Variants in KCNQ1OT1 observed in about 807,000 individuals in gnomAD.
The protein encoded by KCNQ1OT1 is KCNQ1 opposite strand/antisense transcript 1, also known as KCNQ1 antisense RNA 2 (non-protein coding).
exon 1 of KCNQ1OT1, chr11:2,649,956 A>G (rs1263395092): frequency 2.5e-6 from 1 of 398,490 alleles, no homozygotes. Flanking sequence ...AGTGTCTCAT[A>G]TGTCACGCAG....
chr11:2,648,168 G>A, exon 1 of KCNQ1OT1: 1 of 394,498 alleles, frequency 2.5e-6, no homozygotes, highest in Non-Finnish European at 4.4e-6. Context: ...TCACACCACT[G>A]CGCTCTAGCC....
Position 2,643,811 on chromosome 11 carries a change from T to G in KCNQ1OT1, n.56184A>C, listed in dbSNP as rs184076045. Reference sequence around the variant, plus strand: ...AATTAATTCCCTGAGCTTTTACTTTTAAGGGAAATACTTTATTTCTCCTTC... The same window carrying G: ...AATTAATTCCCTGAGCTTTTACTTTGAAGGGAAATACTTTATTTCTCCTTC... On this transcript the variant is annotated non_coding_transcript_exon_variant, in exon 1 of 1. Coordinates refer to ENST00000597346, the Ensembl canonical transcript of KCNQ1OT1. The G allele has an allele frequency of 1.8e-3, 702 of 398,614 alleles. No homozygotes were observed. The highest frequency in any genetic ancestry group is 3.4e-3 in the Admixed American group (77 of 22,742). The allele number at this position is 398,614 out of a possible 1,614,324, so 24.7% of individuals were successfully genotyped here. A position where few individuals can be genotyped will look rare whatever the true frequency, so the allele number is the denominator to read the frequency against.
exon 1 of KCNQ1OT1, chr11:2,699,918 C>CGCTGAGGGGCGCCCTGGCAGGATCTT: frequency 2.5e-6 from 1 of 398,398 alleles, no homozygotes; most frequent in Non-Finnish European, 4.4e-6. Flanking sequence ...GGCAGAATCG[C>CGCTGAGGGGCGCCCTGGCAGGATCTT]GCTGAGGGGC....
At chr11:2,675,765 CTG>C in exon 1 of KCNQ1OT1, 1 of 398,724 alleles carries the variant, frequency 2.5e-6, no homozygotes, top group Non-Finnish European at 4.4e-6. Flanking sequence ...ACTCACAGCA[CTG>C]TGTGCGGGGA....
chr11:2,654,409 C>G lies in KCNQ1OT1; in HGVS notation n.45586G>C, dbSNP rs1046963918. The G allele has an allele frequency of 1.5e-5, 6 of 398,582 alleles. No homozygotes were observed. The highest frequency in any genetic ancestry group is 2.7e-5 in the Non-Finnish European group (6 of 226,128). 24.7% of individuals were successfully genotyped at this position (398,582 alleles called of 1,614,324 possible). A position where few individuals can be genotyped will look rare whatever the true frequency, so the allele number is the denominator to read the frequency against. ...TCAGGGAACTCGCCTGTGCCAAACC[C>G]TGGGGAGACATGGGTGAGGCAGAAG... On this transcript the variant is annotated non_coding_transcript_exon_variant, in exon 1 of 1. Coordinates refer to ENST00000597346, the Ensembl canonical transcript of KCNQ1OT1. The surrounding 1 kb of genome is among the most constrained non-coding windows in gnomAD (Gnocchi z 6.4).
At chr11:2,684,508 T>C in exon 1 of KCNQ1OT1, 1 of 398,658 alleles carries the variant, frequency 2.5e-6, no homozygotes, top group Non-Finnish European at 4.4e-6. Context: ...ATTCCTCCTA[T>C]TCCACTGTTA....
Position 2,673,473 on chromosome 11 carries a change from G to T in KCNQ1OT1, n.26522C>A, listed in dbSNP as rs954288790. 1.3e-5 allele frequency: 5 copies of T among 398,522 alleles called. No homozygotes were observed. The highest frequency in any genetic ancestry group is 6.2e-5 in the African/African-American group (3 of 48,610). 24.7% of individuals were successfully genotyped at this position (398,522 alleles called of 1,614,324 possible). A position where few individuals can be genotyped will look rare whatever the true frequency, so the allele number is the denominator to read the frequency against. ...CTCCTTGAGCCGGAACACCTGAAAA[G>T]CCATACAGACTCCTGCTCATCACAA... On this transcript the variant is annotated non_coding_transcript_exon_variant, in exon 1 of 1. Coordinates refer to ENST00000597346, the Ensembl canonical transcript of KCNQ1OT1. The surrounding 1 kb of genome is among the most constrained non-coding windows in gnomAD (Gnocchi z 4.5).
In KCNQ1OT1 at chr11:2,695,245, A is replaced by G. The variant is rs1850654463; in HGVS notation, n.4750T>C. On this transcript the variant is annotated non_coding_transcript_exon_variant, in exon 1 of 1. Transcript: ENST00000597346. This position sits in a 1 kb window ranked among gnomAD's most constrained non-coding sequence, Gnocchi z 5.2. ...TAAAGTCACCGCTCTCTTCCTCTCC[A>G]TGCTTTTCCACTTCATCTCTAGCCT... 3 of 398,588 alleles carry G rather than the reference A, an allele frequency of 7.5e-6. No homozygotes were observed. The highest frequency in any genetic ancestry group is 1.3e-5 in the Non-Finnish European group (3 of 226,124). The allele number at this position is 398,588 out of a possible 1,614,324, so 24.7% of individuals were successfully genotyped here.
chr11:2,625,574 TG>T (rs1191860321), exon 1 of KCNQ1OT1: 1 of 364,598 alleles, frequency 2.7e-6, no homozygotes, highest in Non-Finnish European at 4.6e-6. Context: ...CCAAGTCCTT[TG>T]CCCTTTTTTT....
rs944860168 is a variant in KCNQ1OT1 at position 2,654,636 on chromosome 11, C to G, written n.45359G>C. 2.5e-6 allele frequency: 1 copy of G among 398,530 alleles called. No homozygotes were observed. 24.7% of individuals were successfully genotyped at this position (398,530 alleles called of 1,614,324 possible). A position where few individuals can be genotyped will look rare whatever the true frequency, so the allele number is the denominator to read the frequency against. ...TTACTAGGAAGGGCCCAGACACTGG[C>G]GAGAGTCTCTTGAGGGCAGAGGGCA... On this transcript the variant is annotated non_coding_transcript_exon_variant, in exon 1 of 1. Coordinates refer to ENST00000597346, the Ensembl canonical transcript of KCNQ1OT1. The surrounding 1 kb of genome is among the most constrained non-coding windows in gnomAD (Gnocchi z 6.4).
At chr11:2,699,806 G>A (rs1850760968) in exon 1 of KCNQ1OT1, 1 of 397,916 alleles carries the variant, frequency 2.5e-6, no homozygotes, top group East Asian at 3.6e-5. Context: ...GCGCGCCGGG[G>A]AGAACCACGA....
Position 2,653,700 on chromosome 11 carries a change from G to T in KCNQ1OT1, n.46295C>A. ...AACAGCTCAGGAAGCCCAGCAGAAC[G>T]AGGTCATCTCTTCCAGGATTCCTGC... is the stretch of plus-strand genomic sequence containing the variant. On this transcript the variant is annotated non_coding_transcript_exon_variant, in exon 1 of 1. Transcript: ENST00000597346. The surrounding 1 kb of genome is among the most constrained non-coding windows in gnomAD (Gnocchi z 5.3). 3 of 398,688 alleles carry T rather than the reference G, an allele frequency of 7.5e-6. No individual in the cohort carries two copies. Among genetic ancestry groups the T allele is most frequent in the Non-Finnish European group, 1.3e-5 (3 of 226,086 alleles). The allele number at this position is 398,688 out of a possible 1,614,324, so 24.7% of individuals were successfully genotyped here.
At chr11:2,610,251 A>G (rs1307130478) in exon 1 of KCNQ1OT1, 1 of 397,838 alleles carries the variant, frequency 2.5e-6, no homozygotes, top group Non-Finnish European at 4.4e-6. Context: ...AATCCTGGTG[A>G]GATACAGAAG....
In KCNQ1OT1 at chr11:2,658,693, T is replaced by C. The variant is rs535459267; in HGVS notation, n.41302A>G. 7 of 398,542 alleles carry C rather than the reference T, an allele frequency of 1.8e-5. No individual in the cohort carries two copies. In the Admixed American group the frequency reaches 1.8e-4, roughly 10 times the overall value. 24.7% of individuals were successfully genotyped at this position (398,542 alleles called of 1,614,324 possible). On this transcript the variant is annotated non_coding_transcript_exon_variant, in exon 1 of 1. Transcript: ENST00000597346. The surrounding 1 kb of genome is among the most constrained non-coding windows in gnomAD (Gnocchi z 4.9). ...TCAGTGGACAGAGCTAGGAAATATATGTATGTATGTAACCTGAGTACACAT... is the reference window on the plus strand; with the variant it reads ...TCAGTGGACAGAGCTAGGAAATATACGTATGTATGTAACCTGAGTACACAT...
In KCNQ1OT1 at chr11:2,647,119, T is replaced by C; in HGVS notation, n.52876A>G. On this transcript the variant is annotated non_coding_transcript_exon_variant, in exon 1 of 1. Coordinates refer to ENST00000597346, the Ensembl canonical transcript of KCNQ1OT1. The surrounding 1 kb of genome is among the most constrained non-coding windows in gnomAD (Gnocchi z 4.0). ...CCCAGGTGGCTGTGGGTTTGTCATA[T>C]ATGACCTTCATTGAGTTATGTTCCT... The C allele has an allele frequency of 7.5e-6, 3 of 398,614 alleles. No individual in the cohort carries two copies. The highest frequency in any genetic ancestry group is 4.4e-5 in the Admixed American group (1 of 22,736). 24.7% of individuals were successfully genotyped at this position (398,614 alleles called of 1,614,324 possible). A position where few individuals can be genotyped will look rare whatever the true frequency, so the allele number is the denominator to read the frequency against.
exon 1 of KCNQ1OT1, chr11:2,609,761 CATT>C: frequency 2.5e-6 from 1 of 398,130 alleles, no homozygotes; most frequent in Admixed American, 4.4e-5. Flanking sequence ...GACATTTTAT[CATT>C]ATGAGATATT....
rs951291166 is a variant in KCNQ1OT1 at position 2,661,302 on chromosome 11, CAG to C, written n.38691_38692del. 17 of 400,812 alleles carry C rather than the reference CAG, an allele frequency of 4.2e-5. No individual in the cohort carries two copies. The highest frequency in any genetic ancestry group is 1.4e-4 in the African/African-American group (7 of 48,730). 24.8% of individuals were successfully genotyped at this position (400,812 alleles called of 1,614,324 possible). A position where few individuals can be genotyped will look rare whatever the true frequency, so the allele number is the denominator to read the frequency against. ...CAAGAGCAAATACTGATAGTGTCAA[CAG>C]AGAGTGGGGAGTGATAAGGATCAGT... On this transcript the variant is annotated non_coding_transcript_exon_variant, in exon 1 of 1. Coordinates refer to ENST00000597346, the Ensembl canonical transcript of KCNQ1OT1. This position sits in a 1 kb window ranked among gnomAD's most constrained non-coding sequence, Gnocchi z 5.9.
rs562297082 is a variant in KCNQ1OT1 at position 2,699,485 on chromosome 11, CG to C, written n.509del. Reference sequence around the variant, plus strand: ...GGAGAGTGCCGCGCTGAGGAGCCCCCGGGGAGAGTGCCGCGCTGAGGAGCCC... The same window carrying C: ...GGAGAGTGCCGCGCTGAGGAGCCCCCGGGAGAGTGCCGCGCTGAGGAGCCC... On this transcript the variant is annotated non_coding_transcript_exon_variant, in exon 1 of 1. Transcript: ENST00000597346. 9.3e-3 allele frequency: 3,252 copies of C among 350,156 alleles called. 81 individuals are homozygous for C. The highest frequency in any genetic ancestry group is 0.069 in the African/African-American group (2,730 of 39,316). 21.7% of individuals were successfully genotyped at this position (350,156 alleles called of 1,614,324 possible).
Position 2,620,613 on chromosome 11 carries a change from C to T in KCNQ1OT1, n.79382G>A. 1 of 397,700 alleles carries T rather than the reference C, an allele frequency of 2.5e-6. No homozygotes were observed. The highest frequency in any genetic ancestry group is 3.6e-5 in the East Asian group (1 of 28,052). 24.6% of individuals were successfully genotyped at this position (397,700 alleles called of 1,614,324 possible). On this transcript the variant is annotated non_coding_transcript_exon_variant, in exon 1 of 1. Transcript: ENST00000597346. This position sits in a 1 kb window ranked among gnomAD's most constrained non-coding sequence, Gnocchi z 4.5. ...CACTGATGGGCATCTAAGTGGATTC[C>T]ATGTCTTTGCTGTTGTGAATAGTGC...
Sources: allele counts gnomAD v4.1 joint callset, GRCh38; gene constraint gnomAD v4.1.1; non-coding constraint Gnocchi (gnomAD v3.1); transcripts MANE v1.5; gene names NCBI Gene and HGNC (gene_info 2026-07-23, HGNC 2026-07-21).